The following NTRK2 variants were observed in gnomAD, a reference collection of about 807,000 sequenced individuals.
NTRK2 encodes BDNF/NT-3 growth factors receptor.
In NTRK2, 13 loss-of-function variants were observed where a neutral mutation model predicts 94.5. The observed-to-expected ratio is 0.14, with a 90% CI of 0.09 to 0.22. The LOEUF (loss-of-function observed/expected upper bound fraction) is 0.22. NTRK2 is among the 10% of genes least tolerant of loss of function. The pLI, the probability that NTRK2 is intolerant of heterozygous loss-of-function variation, is 1.00. For synonymous variants in NTRK2, 372 were observed against 407.4 expected (o/e 0.91, Z 1.05); for missense variants, 639 against 1,071.2 (o/e 0.60, Z 5.63).
chr9:85,005,543 A>T (rs945806367), intron 17 of NTRK2, among the ~76,000 whole-genome samples: 7 of 152,196 alleles, frequency 4.6e-5, no homozygotes, highest in African/African-American at 1.7e-4. Flanking sequence ...ATATAGAGGT[A>T]TTGAGATATA....
At chr9:84,953,504 C>T (rs1425079591) in intron 16 of NTRK2, among the ~76,000 whole-genome samples, 1 of 152,224 alleles carries the variant, frequency 6.6e-6, no homozygotes, top group African/African-American at 2.4e-5. Context: ...ATTCATTTCA[C>T]ATATCCCGGA....
At chr9:85,021,063 A>C (rs1832741039) in intron 18 of NTRK2, among the ~76,000 whole-genome samples, 189 bp from the exon 19 acceptor site, 2 of 152,214 alleles carry the variant, frequency 1.3e-5, no homozygotes. Flanking sequence ...GGACAAATGG[A>C]TATAAGCCAA....
chr9:85,008,960 T>C (rs1197989998), intron 17 of NTRK2, among the ~76,000 whole-genome samples: 2 of 152,244 alleles, frequency 1.3e-5, no homozygotes, highest in African/African-American at 4.8e-5. Context: ...ATAGGCTTGA[T>C]TTAGGCTTAT....
chr9:84,782,392 A>C (rs2067679951), intron 12 of NTRK2, among the ~76,000 whole-genome samples: 1 of 152,166 alleles, frequency 6.6e-6, no homozygotes, highest in South Asian at 2.1e-4. Context: ...TAGGAAACGG[A>C]ACTGTGAAGA....
At chr9:84,899,037 C>T (rs567912924) in intron 14 of NTRK2, among the ~76,000 whole-genome samples, 149 of 152,244 alleles carry the variant, frequency 9.8e-4, no homozygotes, top group Non-Finnish European at 1.2e-3. Flanking sequence ...CCTTCAGTGA[C>T]AACAAAGTCT....
chr9:84,981,345 A>G (rs1375939288), intron 17 of NTRK2, among the ~76,000 whole-genome samples: 1 of 151,688 alleles, frequency 6.6e-6, no homozygotes, highest in Non-Finnish European at 1.5e-5. Context: ...CAAGTGGTCC[A>G]CCCACCTCGG....
intron 14 of NTRK2, among the ~76,000 whole-genome samples, chr9:84,895,422 C>T (rs1321051874): frequency 2.6e-5 from 4 of 152,154 alleles, no homozygotes; most frequent in Admixed American, 6.5e-5. Context: ...TACTTCATCC[C>T]GGCAGCCAGA....
chr9:84,822,815 T>C (rs1033295873), intron 12 of NTRK2, among the ~76,000 whole-genome samples: 1 of 152,174 alleles, frequency 6.6e-6, no homozygotes, highest in Non-Finnish European at 1.5e-5. Flanking sequence ...AGGCGATAAA[T>C]TCCTGAGTTC....
intron 12 of NTRK2, among the ~76,000 whole-genome samples, chr9:84,842,493 G>T (rs903751785): frequency 1.3e-5 from 2 of 152,102 alleles, no homozygotes; most frequent in African/African-American, 4.8e-5. Context: ...TCCACTGCAG[G>T]CTCACAGGTA....
chr9:84,838,037 C>G (rs1385663357), intron 12 of NTRK2, among the ~76,000 whole-genome samples: 1 of 152,162 alleles, frequency 6.6e-6, no homozygotes, highest in Non-Finnish European at 1.5e-5. Context: ...AGATATTATG[C>G]TTTCTTCAAA....
intron 12 of NTRK2, among the ~76,000 whole-genome samples, chr9:84,832,380 A>T (rs968351798): frequency 6.6e-6 from 1 of 152,236 alleles, no homozygotes; most frequent in Non-Finnish European, 1.5e-5. Context: ...CAAGATAAAG[A>T]TATTAAAGAA....
intron 12 of NTRK2, among the ~76,000 whole-genome samples, chr9:84,764,826 G>C (rs2065889109): frequency 6.6e-6 from 1 of 152,156 alleles, no homozygotes; most frequent in South Asian, 2.1e-4. Flanking sequence ...ATCAGCAGAT[G>C]AATGGATAAA....
intron 12 of NTRK2, chr9:84,814,756 A>T: frequency 9.4e-7 from 1 of 1,064,376 alleles, no homozygotes; most frequent in Non-Finnish European, 1.1e-6. Flanking sequence ...GAGGACAAGC[A>T]ATTCCATCTA....
At chr9:84,990,185 T>TAA (rs1828880588) in intron 17 of NTRK2, among the ~76,000 whole-genome samples, 2 of 152,186 alleles carry the variant, frequency 1.3e-5, no homozygotes, top group South Asian at 4.1e-4. Flanking sequence ...GATATTCATC[T>TAA]TTGTATCCCA....
intron 17 of NTRK2, among the ~76,000 whole-genome samples, chr9:84,957,941 A>G (rs1190533081): frequency 6.6e-6 from 1 of 152,260 alleles, no homozygotes; most frequent in African/African-American, 2.4e-5. Flanking sequence ...TTCATGCTGC[A>G]ACACAGATAA....
chr9:84,985,893 G>A (rs928222464), intron 17 of NTRK2, among the ~76,000 whole-genome samples: 1 of 152,162 alleles, frequency 6.6e-6, no homozygotes, highest in African/African-American at 2.4e-5. Context: ...CAGAAAGGAT[G>A]GGAAAGAGGA....
chr9:84,837,945 T>C (rs1479591721), intron 12 of NTRK2, among the ~76,000 whole-genome samples: 1 of 152,192 alleles, frequency 6.6e-6, no homozygotes, highest in African/African-American at 2.4e-5. Flanking sequence ...TATCACATCC[T>C]GGAAGTTCTG....
intron 14 of NTRK2, chr9:84,877,695 C>G: frequency 6.6e-6 from 7 of 1,061,096 alleles, no homozygotes; most frequent in Non-Finnish European, 8.0e-6. Context: ...TGCAAGGGAG[C>G]GGACCTAACA....
intron 14 of NTRK2, chr9:84,874,504 G>C: frequency 9.4e-7 from 1 of 1,065,888 alleles, no homozygotes; most frequent in Non-Finnish European, 1.1e-6. Flanking sequence ...ATGCTGCTCT[G>C]AGGTTGATTG....
Sources: gnomAD v4.1 joint callset for allele counts (sites outside exome capture counted in the v4.1 genomes callset) on GRCh38, gnomAD v4.1.1 for gene constraint, MANE v1.5 for transcripts, NCBI Gene and HGNC (gene_info 2026-07-23, HGNC 2026-07-21) for gene names.